BCAS3: variants seen among roughly 807,000 people sequenced by gnomAD.
The protein encoded by BCAS3 is BCAS4/BCAS3 fusion.
In BCAS3, 53 loss-of-function variants were observed where a neutral mutation model predicts 116.1. The observed-to-expected ratio is 0.46, with a 90% confidence interval of 0.37 to 0.57. The LOEUF (loss-of-function observed/expected upper bound fraction) is 0.57, where lower values mean the gene tolerates loss of function less well. BCAS3 is among the 20% of genes least tolerant of loss of function. The pLI is 0.00. For synonymous variants in BCAS3, 391 were observed against 408.2 expected, an observed-to-expected ratio of 0.96 and a Z score of 0.51; for missense variants, 917 against 1,165.4, an observed-to-expected ratio of 0.79 and a Z score of 3.10.
At chr17:60,985,779 C>T (rs2063106369) in intron 14 of BCAS3, among the ~76,000 whole-genome samples, 1 of 152,158 alleles carries the variant, frequency 6.6e-6, no homozygotes, top group South Asian at 2.1e-4. Context: ...CTCTGTCGCC[C>T]AGCCTGGAGT....
chr17:61,357,962 C>G (rs1282119537), intron 22 of BCAS3, among the ~76,000 whole-genome samples: 2 of 151,790 alleles, frequency 1.3e-5, no homozygotes, highest in East Asian at 3.9e-4. Flanking sequence ...GTGGCACATG[C>G]CTGTAATCCC....
intron 7 of BCAS3, among the ~76,000 whole-genome samples, chr17:60,862,885 T>G (rs1311941676): frequency 6.6e-6 from 1 of 152,206 alleles, no homozygotes; most frequent in Non-Finnish European, 1.5e-5. Context: ...TTTTAATTTT[T>G]GTCTGTTAAA....
intron 7 of BCAS3, among the ~76,000 whole-genome samples, chr17:60,840,743 G>A (rs933228146): frequency 1.3e-5 from 2 of 152,186 alleles, no homozygotes; most frequent in African/African-American, 4.8e-5. Flanking sequence ...GTTATGGGTT[G>A]AGAATTCTCA....
intron 22 of BCAS3, among the ~76,000 whole-genome samples, chr17:61,321,853 G>A (rs1014566697): frequency 6.6e-6 from 1 of 152,158 alleles, no homozygotes; most frequent in Non-Finnish European, 1.5e-5. Context: ...ACTTGGGCAA[G>A]TTATTGATCT....
intron 22 of BCAS3, among the ~76,000 whole-genome samples, chr17:61,305,049 G>A (rs1475286508): frequency 6.6e-6 from 1 of 152,088 alleles, no homozygotes; most frequent in Non-Finnish European, 1.5e-5. Flanking sequence ...GAGCCACCAT[G>A]CCTGGCCCCC....
intron 22 of BCAS3, among the ~76,000 whole-genome samples, chr17:61,176,002 G>A (rs1043881508): frequency 6.6e-6 from 1 of 151,752 alleles, no homozygotes. Flanking sequence ...GCTGGGTGTG[G>A]CAGTATGTGC....
At chr17:60,764,290 G>A (rs975812206) in intron 6 of BCAS3, among the ~76,000 whole-genome samples, 8 of 151,602 alleles carry the variant, frequency 5.3e-5, no homozygotes, top group African/African-American at 1.7e-4. Context: ...GTGATGTTAG[G>A]GTGTCAGTTT....
chr17:60,868,136 G>T (rs1567748720), intron 7 of BCAS3, among the ~76,000 whole-genome samples: 1 of 151,012 alleles, frequency 6.6e-6, no homozygotes, highest in Non-Finnish European at 1.5e-5. Context: ...CGATTCTCCT[G>T]CCTCAGCCTC....
intron 14 of BCAS3, among the ~76,000 whole-genome samples, chr17:60,968,995 T>G (rs973676926): frequency 1.4e-5 from 2 of 141,714 alleles, no homozygotes; most frequent in East Asian, 2.3e-4. Context: ...TCACCATGAG[T>G]TGGGGGGGGA....
At chr17:60,738,849 G>A (rs758664840) in intron 5 of BCAS3, among the ~76,000 whole-genome samples, 1 of 152,056 alleles carries the variant, frequency 6.6e-6, no homozygotes, top group Admixed American at 6.6e-5. Context: ...TCGAACTCCT[G>A]GGCTTAATTG....
chr17:61,155,405 G>A (rs750407938), intron 22 of BCAS3, among the ~76,000 whole-genome samples: 6 of 151,228 alleles, frequency 4.0e-5, no homozygotes, highest in Non-Finnish European at 7.4e-5. Flanking sequence ...TTTATCAACA[G>A]AAGTGAGCAC....
chr17:60,931,531 C>T (rs1276356205), intron 13 of BCAS3, among the ~76,000 whole-genome samples: 1 of 152,166 alleles, frequency 6.6e-6, no homozygotes, highest in Non-Finnish European at 1.5e-5. Flanking sequence ...CCCACCTTGG[C>T]TTCCCAAAGT....
intron 12 of BCAS3, among the ~76,000 whole-genome samples, chr17:60,914,453 A>G (rs1007070759): frequency 2.6e-5 from 4 of 152,198 alleles, no homozygotes; most frequent in African/African-American, 9.6e-5. Flanking sequence ...GTTGTATTGG[A>G]AGGAAACATA....
chr17:61,176,359 T>TG (rs915618818), intron 22 of BCAS3, among the ~76,000 whole-genome samples: 26 of 72,314 alleles, frequency 3.6e-4, no homozygotes, highest in Non-Finnish European at 7.1e-4. Flanking sequence ...ACCCAGAAAA[T>TG]TTTTTTCTTC....
intron 16 of BCAS3, among the ~76,000 whole-genome samples, chr17:61,022,864 T>G (rs1023118031): frequency 6.6e-6 from 1 of 151,728 alleles, no homozygotes; most frequent in South Asian, 2.1e-4. Flanking sequence ...AGTCTTGAAC[T>G]CCTACGCTCA....
At chr17:61,216,240 G>C (rs187754243) in intron 22 of BCAS3, among the ~76,000 whole-genome samples, 1 of 152,234 alleles carries the variant, frequency 6.6e-6, no homozygotes, top group Non-Finnish European at 1.5e-5. Flanking sequence ...AGTTCAGGAC[G>C]GCCTGAGACA....
rs956906976 is a variant in BCAS3 at position 61,355,804 on chromosome 17, A to G, written c.2426-12523A>G. On this transcript the variant is annotated intron_variant, in intron 22 of 23. Transcript: ENST00000407086. The surrounding 1 kb of genome is among the most constrained non-coding windows in gnomAD (Gnocchi z 4.2). Reference sequence around the variant, plus strand: ...GAATGAGGACTGTCCTAGAAAACCCAGTTTGTATGCTTGCTGTCTTGAGAG... The same window carrying G: ...GAATGAGGACTGTCCTAGAAAACCCGGTTTGTATGCTTGCTGTCTTGAGAG... Among the ~76,000 whole-genome samples, 1 of 152,176 alleles carries G rather than the reference A, an allele frequency of 6.6e-6. No individual in the cohort carries two copies. Among genetic ancestry groups the G allele is most frequent in the Non-Finnish European group, 1.5e-5 (1 of 68,032 alleles).
intron 12 of BCAS3, among the ~76,000 whole-genome samples, chr17:60,913,292 A>G (rs1482931963): frequency 1.3e-5 from 2 of 152,124 alleles, no homozygotes; most frequent in African/African-American, 2.4e-5. Flanking sequence ...AGTAGCCCCA[A>G]TCTTCCACTT....
rs1035261570 is a variant in BCAS3, at chr17:60,956,910, G to A, written c.1221+9558G>A. Among the ~76,000 whole-genome samples the A allele has an allele frequency of 2.0e-5, 3 of 152,092 alleles. No individual in the cohort carries two copies. Among genetic ancestry groups the A allele is most frequent in the African/African-American group, 7.2e-5 (3 of 41,426 alleles). ...CCCTCTTTGAGTACTACAAAAGCATGTTTTTCTGGATTCTTCCAAGAACTC... is the reference window on the plus strand; with the variant it reads ...CCCTCTTTGAGTACTACAAAAGCATATTTTTCTGGATTCTTCCAAGAACTC... On this transcript the variant is annotated intron_variant, in intron 14 of 23. Transcript: ENST00000407086. This position sits in a 1 kb window ranked among gnomAD's most constrained non-coding sequence, Gnocchi z 4.2.
Sources: allele counts gnomAD v4.1 joint callset (sites outside exome capture counted in the v4.1 genomes callset), GRCh38; gene constraint gnomAD v4.1.1; non-coding constraint Gnocchi (gnomAD v3.1); transcripts MANE v1.5; gene names NCBI Gene and HGNC (gene_info 2026-07-23, HGNC 2026-07-21).